Variants in EPHA6 observed in about 807,000 individuals in gnomAD.
EPHA6 encodes the protein ephrin type-A receptor 6.
In EPHA6, 50 loss-of-function variants were observed where a neutral mutation model predicts 112.0. The ratio of observed to expected loss-of-function variants is 0.45; its 90% CI spans 0.36 to 0.56. The LOEUF is 0.56. Among genes scored for constraint, EPHA6 ranks in the 20% least tolerant of loss-of-function variants. EPHA6 has a pLI of 0.00. For missense variants in EPHA6, 1,280 were observed against 1,417.4 expected (o/e 0.90, Z 1.56); for synonymous variants, 529 against 490.7 (o/e 1.08, Z -1.03).
intron 7 of EPHA6, among the ~76,000 whole-genome samples, chr3:97,470,223 G>A (rs947536282): frequency 6.6e-6 from 1 of 151,650 alleles, no homozygotes; most frequent in Non-Finnish European, 1.5e-5. Flanking sequence ...GAATTTTCCT[G>A]TATTGGTTGT....
At position 97,279,363 on chromosome 3, in the gene EPHA6, C is replaced by T. The variant is rs551087934; in HGVS notation, c.1606+35076C>T. On this transcript the variant is annotated intron_variant, in intron 5 of 17. Transcript: ENST00000389672. ...TTGTTAGAACCCCCTTCATGAAAAG[C>T]GTGCTATTTTATAAGAAGAAAATAT... Among the ~76,000 whole-genome samples the T allele has an allele frequency of 3.9e-5, 6 of 152,128 alleles. No individual in the cohort carries two copies. The East Asian group carries it at 7.7e-4, about 20-fold the overall frequency.
chr3:96,873,947 G>A (rs1248120408), intron 2 of EPHA6, among the ~76,000 whole-genome samples: 6 of 151,930 alleles, frequency 3.9e-5, no homozygotes, highest in African/African-American at 1.2e-4. Flanking sequence ...TTATTACCAC[G>A]TTATATATGA....
chr3:97,147,045 A>G (rs1011407695), intron 3 of EPHA6, among the ~76,000 whole-genome samples: 3 of 151,982 alleles, frequency 2.0e-5, no homozygotes, highest in Non-Finnish European at 4.4e-5. Flanking sequence ...GATGTTGGCA[A>G]AGCACGCTGG....
chr3:97,015,701 C>CA (rs1458937065), intron 3 of EPHA6, among the ~76,000 whole-genome samples: 2 of 152,066 alleles, frequency 1.3e-5, no homozygotes, highest in African/African-American at 4.8e-5. Context: ...GAGGAGTGAA[C>CA]ACTGCTGGTG....
intron 3 of EPHA6, among the ~76,000 whole-genome samples, chr3:97,077,112 T>C (rs1036469929): frequency 6.6e-6 from 1 of 152,158 alleles, no homozygotes; most frequent in Non-Finnish European, 1.5e-5. Context: ...TGCAAGGCTA[T>C]TGCTGCCCTG....
At chr3:97,498,577 A>G (rs1297038474) in intron 10 of EPHA6, among the ~76,000 whole-genome samples, 1 of 152,174 alleles carries the variant, frequency 6.6e-6, no homozygotes, top group Admixed American at 6.6e-5. Flanking sequence ...TATTTGATGT[A>G]TTGGCCTGGT....
At chr3:97,658,997 A>T (rs2094153202) in intron 14 of EPHA6, among the ~76,000 whole-genome samples, 1 of 151,992 alleles carries the variant, frequency 6.6e-6, no homozygotes, top group Non-Finnish European at 1.5e-5. Context: ...ACATATTAAT[A>T]AGCCATGATA....
rs574487474 is a variant in EPHA6, at chr3:97,290,008, T to G, written c.1606+45721T>G. Among the ~76,000 whole-genome samples, 27 of 152,218 alleles carry G rather than the reference T, an allele frequency of 1.8e-4. No individual in the cohort carries two copies. The South Asian group carries it at 3.1e-3, about 18-fold the overall frequency. On this transcript the variant is annotated intron_variant, in intron 5 of 17. Transcript: ENST00000389672. The stretch of plus-strand genomic sequence containing the variant: ...TCTTTTCTTCTGCTAGCTTTGAGGT[T>G]AATTTCTTCTTCTTTATCTAGTTTT...
chr3:97,127,929 C>G (rs1338641141), intron 3 of EPHA6, among the ~76,000 whole-genome samples: 1 of 151,676 alleles, frequency 6.6e-6, no homozygotes, highest in Non-Finnish European at 1.5e-5. Flanking sequence ...CATAGATGTA[C>G]AGACATGAAG....
chr3:97,582,611 G>C lies in EPHA6; in HGVS notation c.2387-10001G>C, dbSNP rs191713139. ...TTTATCATATGAGAGTGGATATAAAGTCATATTAGGGCCTTGTTTAGTTTC... is the reference window on the plus strand; with the variant it reads ...TTTATCATATGAGAGTGGATATAAACTCATATTAGGGCCTTGTTTAGTTTC... On this transcript the variant is annotated intron_variant, in intron 11 of 17. Coordinates refer to ENST00000389672, the MANE Select transcript of EPHA6 (RefSeq NM_001080448.3). Among the ~76,000 whole-genome samples, 8 of 152,232 alleles carry C rather than the reference G, an allele frequency of 5.3e-5. No individual in the cohort carries two copies. In the East Asian group the frequency reaches 1.5e-3, roughly 29 times the overall value.
intron 3 of EPHA6, among the ~76,000 whole-genome samples, chr3:97,204,070 T>C (rs756487271): frequency 9.2e-5 from 14 of 152,168 alleles, no homozygotes; most frequent in Non-Finnish European, 1.9e-4. Flanking sequence ...CAACTTTTTT[T>C]TACTAAGTGA....
chr3:96,955,743 C>T (rs1418625275), intron 2 of EPHA6, among the ~76,000 whole-genome samples: 1 of 152,120 alleles, frequency 6.6e-6, no homozygotes, highest in African/African-American at 2.4e-5. Context: ...ATATAATGAA[C>T]AAAAACTCAT....
intron 2 of EPHA6, among the ~76,000 whole-genome samples, chr3:96,933,428 CTT>C (rs1483696808): frequency 1.3e-5 from 2 of 151,958 alleles, no homozygotes; most frequent in African/African-American, 2.4e-5. Flanking sequence ...TTTATAAAAA[CTT>C]TAGTTTAACT....
intron 3 of EPHA6, among the ~76,000 whole-genome samples, chr3:97,043,731 A>G (rs181399965): frequency 2.6e-5 from 4 of 152,308 alleles, no homozygotes; most frequent in East Asian, 3.9e-4. Context: ...TAGCAAGTAT[A>G]AAAACCAAAA....
At chr3:96,903,123 G>A (rs2038710088) in intron 2 of EPHA6, among the ~76,000 whole-genome samples, 1 of 152,148 alleles carries the variant, frequency 6.6e-6, no homozygotes, top group African/African-American at 2.4e-5. Context: ...TAGTATTTGA[G>A]CAAACTTCTA....
intron 14 of EPHA6, among the ~76,000 whole-genome samples, chr3:97,700,906 G>T (rs1051321985): frequency 8.5e-5 from 13 of 152,168 alleles, no homozygotes; most frequent in Non-Finnish European, 1.8e-4. Context: ...CCCTGACACA[G>T]CAGGGAAAAG....
intron 14 of EPHA6, among the ~76,000 whole-genome samples, chr3:97,698,097 G>T (rs1295452920): frequency 6.6e-6 from 1 of 152,086 alleles, no homozygotes; most frequent in Non-Finnish European, 1.5e-5. Flanking sequence ...CCGCCTCCCG[G>T]GTTCAAGCAA....
intron 3 of EPHA6, among the ~76,000 whole-genome samples, chr3:97,080,222 G>T (rs1184007336): frequency 6.6e-6 from 1 of 152,090 alleles, no homozygotes; most frequent in East Asian, 1.9e-4. Flanking sequence ...CCCAGACCTG[G>T]TTATAAAATG....
chr3:97,648,245 G>A (rs2094081405), intron 14 of EPHA6: 1 of 807,000 alleles, frequency 1.2e-6, no homozygotes, highest in Non-Finnish European at 2.2e-6. Flanking sequence ...CATAATTACA[G>A]TTCTGTTAAC....
Sources: gnomAD v4.1 joint callset for allele counts (sites outside exome capture counted in the v4.1 genomes callset) on GRCh38, gnomAD v4.1.1 for gene constraint, MANE v1.5 for transcripts, NCBI Gene and HGNC (gene_info 2026-07-23, HGNC 2026-07-21) for gene names.